The following PMP22 variants were observed in gnomAD, a reference collection of about 807,000 sequenced individuals.
PMP22 encodes the protein peripheral myelin protein 22, also known as Charcot-Marie-Tooth neuropathy 1A (greatly reduced nerve conduction velocity, hereditary motor sensory neuropathy Ia).
A neutral mutation model predicts 18.9 loss-of-function variants in PMP22; 2 were observed. That is an observed-to-expected ratio of 0.11 (90% confidence interval 0.04 to 0.33). The LOEUF is 0.33. Among genes scored for constraint, PMP22 ranks in the 10% least tolerant of loss-of-function variants. The probability of loss-of-function intolerance (pLI) is 1.00; values close to 1 mark genes in which losing one functional copy is unlikely to be tolerated. For synonymous variants in PMP22, 95 were observed against 89.2 expected, an observed-to-expected ratio of 1.07 and a Z score of -0.37; for missense variants, 169 against 202.2, an observed-to-expected ratio of 0.84 and a Z score of 1.00.
intron 3 of PMP22, 21 bp from the exon 4 acceptor site, chr17:15,239,632 G>C (rs755388659): frequency 1.2e-6 from 2 of 1,613,446 alleles, no homozygotes; most frequent in East Asian, 2.2e-5. Context: ...GAGACACTTG[G>C]TTAGGAGAGC....
chr17:15,238,001 A>G (rs1906957931), intron 4 of PMP22, among the ~76,000 whole-genome samples: 1 of 143,776 alleles, frequency 7.0e-6, no homozygotes, highest in African/African-American at 2.9e-5. Flanking sequence ...ACGAGTGAGA[A>G]AAAAAAAAAG....
intron 3 of PMP22, among the ~76,000 whole-genome samples, chr17:15,254,996 T>C (rs1908703783): frequency 6.6e-6 from 1 of 151,616 alleles, no homozygotes; most frequent in South Asian, 2.1e-4. Flanking sequence ...CCTGGAGAGG[T>C]GGTAGAAATA....
At chr17:15,253,536 C>T (rs1908549977) in intron 3 of PMP22, among the ~76,000 whole-genome samples, 4 of 152,216 alleles carry the variant, frequency 2.6e-5, no homozygotes, top group Admixed American at 2.6e-4. Flanking sequence ...CACTGAGAAA[C>T]CCGTGGAAGA....
At chr17:15,259,782 A>C (rs1282328193) in intron 2 of PMP22, among the ~76,000 whole-genome samples, 1 of 150,298 alleles carries the variant, frequency 6.7e-6, no homozygotes, top group Non-Finnish European at 1.5e-5. Context: ...TCTACTAAAA[A>C]TACAAAAAAA....
intron 3 of PMP22, among the ~76,000 whole-genome samples, chr17:15,246,454 A>G (rs1234232432): frequency 6.6e-6 from 1 of 152,256 alleles, no homozygotes; most frequent in South Asian, 2.1e-4. Flanking sequence ...ACAGAAAATA[A>G]TGATTCGAGT....
chr17:15,259,634 A>G (rs1909132123), intron 2 of PMP22, among the ~76,000 whole-genome samples: 1 of 152,056 alleles, frequency 6.6e-6, no homozygotes, highest in South Asian at 2.1e-4. Context: ...ATTATTTCTC[A>G]CAGAGACTAG....
At chr17:15,235,399 C>G in intron 4 of PMP22, 1 of 699,588 alleles carries the variant, frequency 1.4e-6, no homozygotes, top group Non-Finnish European at 2.6e-6. Flanking sequence ...TAAATCAAAA[C>G]GTGCAAATCT....
At chr17:15,237,668 A>C (rs747489975) in intron 4 of PMP22, among the ~76,000 whole-genome samples, 4 of 152,188 alleles carry the variant, frequency 2.6e-5, no homozygotes, top group Non-Finnish European at 4.4e-5. Flanking sequence ...TCAGTGTAAC[A>C]CTCAACCGTC....
chr17:15,240,773 C>T lies in PMP22; in HGVS notation c.179-1162G>A, dbSNP rs1039942856. Among the ~76,000 whole-genome samples, 93 of 152,294 alleles carry T rather than the reference C, an allele frequency of 6.1e-4. 1 individual carries two copies. The highest frequency in any genetic ancestry group is 6.1e-3 in the Admixed American group (93 of 15,298). ...GGAGGAAGGGCAACTGGGGAAGCTGCAGCATTTAATCCTTTCAGCTCAGTA... is the reference window on the plus strand; with the variant it reads ...GGAGGAAGGGCAACTGGGGAAGCTGTAGCATTTAATCCTTTCAGCTCAGTA... On this transcript the variant is annotated intron_variant, in intron 3 of 4. Coordinates refer to ENST00000312280, the MANE Select transcript of PMP22 (RefSeq NM_000304.4).
chr17:15,234,858 G>C (rs979512622), intron 4 of PMP22, among the ~76,000 whole-genome samples: 1 of 151,592 alleles, frequency 6.6e-6, no homozygotes, highest in African/African-American at 2.4e-5. Flanking sequence ...CTGTCACCAG[G>C]CTGGAGCAAG....
chr17:15,245,333 G>T (rs1411932324), intron 3 of PMP22, among the ~76,000 whole-genome samples: 1 of 152,156 alleles, frequency 6.6e-6, no homozygotes, highest in Non-Finnish European at 1.5e-5. Flanking sequence ...AAATGACAGG[G>T]CTTTGATCCT....
intron 4 of PMP22, 132 bp from the exon 5 acceptor site, chr17:15,231,212 G>T: frequency 1.1e-6 from 1 of 896,070 alleles, no homozygotes; most frequent in Non-Finnish European, 1.8e-6. Flanking sequence ...CTGCTTCCAG[G>T]TCCAGAATTG....
intron 3 of PMP22, among the ~76,000 whole-genome samples, chr17:15,245,116 C>T (rs1907691363): frequency 6.6e-6 from 1 of 152,138 alleles, no homozygotes; most frequent in South Asian, 2.1e-4. Flanking sequence ...CAGAGCCCAG[C>T]CCAGGAGAAA....
chr17:15,253,204 T>A lies in PMP22; in HGVS notation c.178+5890A>T, dbSNP rs1045454256. On this transcript the variant is annotated intron_variant, in intron 3 of 4. Coordinates refer to ENST00000312280, the MANE Select transcript of PMP22 (RefSeq NM_000304.4). ...ACTAAAGCTCCAGGAACTGGCCTCA[T>A]TCAAAGCGACGCCATGGACCCTGCG... Among the ~76,000 whole-genome samples, 6 of 152,280 alleles carry A rather than the reference T, an allele frequency of 3.9e-5. No individual in the cohort carries two copies. The East Asian group carries it at 1.2e-3, about 29-fold the overall frequency.
At position 15,258,711 on chromosome 17, in the gene PMP22, T is replaced by G. The variant is rs1020526816; in HGVS notation, c.178+383A>C. The stretch of plus-strand genomic sequence containing the variant: ...CAGAAAGGGGCAGGACATTTCTGAA[T>G]AGAGACAGCCACCAAACCAAAGATA... On this transcript the variant is annotated intron_variant, in intron 3 of 4. Transcript: ENST00000312280. This position sits in a 1 kb window ranked among gnomAD's most constrained non-coding sequence, Gnocchi z 4.1. The G allele has an allele frequency of 3.8e-5, 13 of 339,148 alleles. No homozygotes were observed. Among genetic ancestry groups the G allele is most frequent in the Non-Finnish European group, 6.4e-5 (11 of 172,622 alleles). The allele number at this position is 339,148 out of a possible 1,614,324, so 21.0% of individuals were successfully genotyped here. A position where few individuals can be genotyped will look rare whatever the true frequency, so the allele number is the denominator to read the frequency against.
rs184922324 is a variant in PMP22, at chr17:15,251,068, G to A, written c.178+8026C>T. On this transcript the variant is annotated intron_variant, in intron 3 of 4. Transcript: ENST00000312280. ...CAGCCTGTGAGGCACCAGCGATCCT[G>A]CTCCCATCCCTCTCTCCCGCATTCC... 3.3e-5 allele frequency among the ~76,000 whole-genome samples: 5 copies of A among 152,222 alleles called. No individual in the cohort carries two copies. In the East Asian group the frequency reaches 9.7e-4, roughly 29 times the overall value.
At chr17:15,236,738 T>A (rs1293407233) in intron 4 of PMP22, among the ~76,000 whole-genome samples, 1 of 152,156 alleles carries the variant, frequency 6.6e-6, no homozygotes, top group Non-Finnish European at 1.5e-5. Context: ...CATGACAAAA[T>A]TGACTTAGAA....
intron 4 of PMP22, 80 bp from the exon 5 acceptor site, chr17:15,231,160 A>G (rs1906314154): frequency 7.2e-7 from 1 of 1,382,992 alleles, no homozygotes; most frequent in Admixed American, 1.7e-5. Flanking sequence ...GGATGCTGAC[A>G]ATTGCTGGGT....
chr17:15,248,964 A>C (rs988501814), intron 3 of PMP22, among the ~76,000 whole-genome samples: 18 of 152,244 alleles, frequency 1.2e-4, no homozygotes, highest in African/African-American at 3.9e-4. Context: ...TGAACAGGGA[A>C]TAATTCGCTT....
Sources: allele counts gnomAD v4.1 joint callset (sites outside exome capture counted in the v4.1 genomes callset), GRCh38; gene constraint gnomAD v4.1.1; non-coding constraint Gnocchi (gnomAD v3.1); transcripts MANE v1.5; gene names NCBI Gene and HGNC (gene_info 2026-07-23, HGNC 2026-07-21).